DRC9: variants seen among roughly 807,000 people sequenced by gnomAD.
DRC9 encodes the protein dynein regulatory complex subunit 9.
the DRC9 span, among the ~76,000 whole-genome samples, chr3:197,927,849 TC>T: frequency 1.3e-5 from 2 of 150,214 alleles, no homozygotes; most frequent in African/African-American, 4.9e-5. Flanking sequence ...CAGCAAACTG[TC>T]ACAAGGACAG....
At chr3:197,938,594 GC>G in the DRC9 span, 1 of 1,614,044 alleles carries the variant, frequency 6.2e-7, no homozygotes, top group Non-Finnish European at 8.5e-7. Flanking sequence ...ATGATGGTCT[GC>G]CTTGTAGGTT....
chr3:197,899,351 C>G, the DRC9 span, among the ~76,000 whole-genome samples: 1 of 152,282 alleles, frequency 6.6e-6, no homozygotes, highest in Non-Finnish European at 1.5e-5. Context: ...CCAAGCATAA[C>G]TCTGACAGCA....
At chr3:197,923,145 G>T in the DRC9 span, among the ~76,000 whole-genome samples, 24 of 152,134 alleles carry the variant, frequency 1.6e-4, no homozygotes, top group African/African-American at 5.8e-4. Flanking sequence ...TTTTGAGACG[G>T]TCTCACTCTG....
At chr3:197,941,563 CTTCT>C in the DRC9 span, among the ~76,000 whole-genome samples, 5 of 115,048 alleles carry the variant, frequency 4.3e-5, no homozygotes, top group Non-Finnish European at 5.0e-5. Flanking sequence ...CCCTCCCTTC[CTTCT>C]TTCTTTCTCT....
the DRC9 span, chr3:197,912,849 T>C: frequency 3.2e-6 from 3 of 924,760 alleles, no homozygotes; most frequent in Non-Finnish European, 5.3e-6. Context: ...TGAGGCTCCC[T>C]TTACCAGCTG....
chr3:197,933,634 T>TA, the DRC9 span, among the ~76,000 whole-genome samples: 179 of 152,280 alleles, frequency 1.2e-3, no homozygotes, highest in African/African-American at 4.1e-3. Context: ...TGGTTTTTTT[T>TA]AAAGATTACA....
At chr3:197,914,051 G>C in the DRC9 span, 1 of 1,612,534 alleles carries the variant, frequency 6.2e-7, no homozygotes, top group South Asian at 1.1e-5. Flanking sequence ...CTCTGTAGTG[G>C]AAAGACCAGG....
At chr3:197,912,556 A>G in the DRC9 span, 1 of 747,566 alleles carries the variant, frequency 1.3e-6, no homozygotes. Flanking sequence ...AACATGAGCT[A>G]AAGTTCATTA....
the DRC9 span, chr3:197,913,746 ACCTCAAGTGGAGGGGCTGTTG>A: frequency 2.1e-6 from 2 of 934,788 alleles, no homozygotes; most frequent in Admixed American, 1.7e-5. Flanking sequence ...TTTATTTTCA[ACCTCAAGTGGAGGGGCTGTTG>A]CCGATAGAGA....
At chr3:197,919,976 G>A in the DRC9 span, among the ~76,000 whole-genome samples, 4 of 151,750 alleles carry the variant, frequency 2.6e-5, no homozygotes, top group Admixed American at 6.6e-5. Context: ...GAGGCGGGTG[G>A]ATCACTTGAG....
chr3:197,933,024 A>C, the DRC9 span, among the ~76,000 whole-genome samples: 1 of 140,114 alleles, frequency 7.1e-6, no homozygotes. Flanking sequence ...TATTAATATA[A>C]AATATTATAT....
the DRC9 span, among the ~76,000 whole-genome samples, chr3:197,905,850 TAAAGA>T: frequency 6.6e-6 from 1 of 151,512 alleles, no homozygotes; most frequent in Non-Finnish European, 1.5e-5. Flanking sequence ...ATTAACATAT[TAAAGA>T]AGAGAAAACA....
the DRC9 span, chr3:197,912,681 C>T: frequency 1.4e-5 from 22 of 1,612,942 alleles, no homozygotes; most frequent in Non-Finnish European, 1.7e-5. Context: ...CCACCTGCTG[C>T]TCCTTTCTAA....
chr3:197,926,184 GA>G, the DRC9 span: 1 of 776,310 alleles, frequency 1.3e-6, no homozygotes, highest in Non-Finnish European at 2.3e-6. Flanking sequence ...CCGCACATAA[GA>G]AAACCAGATT....
chr3:197,957,229 T>C, the DRC9 span: 1 of 152,110 alleles, frequency 6.6e-6, no homozygotes, highest in African/African-American at 2.4e-5. Context: ...TCCAGTAACA[T>C]CCTGTTACAA....
the DRC9 span, chr3:197,926,189 C>T: frequency 1.3e-4 from 96 of 752,362 alleles, no homozygotes; most frequent in African/African-American, 1.1e-3. Context: ...CATAAGAAAA[C>T]CAGATTCCTG....
chr3:197,913,990 G>T, the DRC9 span: 3 of 1,613,958 alleles, frequency 1.9e-6, no homozygotes, highest in East Asian at 6.7e-5. Context: ...GTTGGATTTT[G>T]CCTTCATCTC....
the DRC9 span, among the ~76,000 whole-genome samples, chr3:197,932,969 ATAT>A: frequency 7.2e-6 from 1 of 138,974 alleles, no homozygotes; most frequent in African/African-American, 2.7e-5. Flanking sequence ...ATTATATATT[ATAT>A]TATATTGTAT....
chr3:197,917,227 G>A, the DRC9 span, among the ~76,000 whole-genome samples: 1 of 152,246 alleles, frequency 6.6e-6, no homozygotes, highest in Non-Finnish European at 1.5e-5. Flanking sequence ...TGAAGTGGTA[G>A]ACTCCCTTGA....
Sources: allele counts gnomAD v4.1 joint callset (sites outside exome capture counted in the v4.1 genomes callset), GRCh38; gene constraint gnomAD v4.1.1; transcripts MANE v1.5; gene names NCBI Gene and HGNC (gene_info 2026-07-23, HGNC 2026-07-21).